The following MFHAS1 variants were observed in gnomAD, a reference collection of about 807,000 sequenced individuals.
MFHAS1 encodes multifunctional ROCO family signaling regulator 1.
Under a neutral mutation model 70.4 loss-of-function variants are expected in MFHAS1, and 50 were observed. The ratio of observed to expected loss-of-function variants is 0.71; its 90% confidence interval spans 0.57 to 0.90. The LOEUF (loss-of-function observed/expected upper bound fraction) is 0.90. Among genes scored for constraint, MFHAS1 ranks in the 40% least tolerant of loss-of-function variants. The pLI, the probability that MFHAS1 is intolerant of heterozygous loss-of-function variation, is 0.00. For synonymous variants in MFHAS1, 952 were observed against 620.0 expected, an observed-to-expected ratio of 1.54 and a Z score of -7.96; for missense variants, 1,795 against 1,347.6, an observed-to-expected ratio of 1.33 and a Z score of -5.20.
intron 2 of MFHAS1, among the ~76,000 whole-genome samples, chr8:8,796,456 G>A (rs1275645401): frequency 1.3e-5 from 2 of 152,130 alleles, no homozygotes; most frequent in Non-Finnish European, 2.9e-5. Context: ...GGCCAAGACG[G>A]GCGGATCCCG....
intron 2 of MFHAS1, chr8:8,790,478 G>A: frequency 6.9e-6 from 4 of 582,452 alleles, no homozygotes; most frequent in Non-Finnish European, 8.7e-6. Context: ...TGGCTGACGG[G>A]AGACTAAATA....
intron 1 of MFHAS1, among the ~76,000 whole-genome samples, chr8:8,844,638 T>A (rs930567402): frequency 2.6e-5 from 4 of 152,326 alleles, no homozygotes; most frequent in African/African-American, 4.8e-5. Context: ...TTCAGATGCC[T>A]CCTTCTCAGA....
At chr8:8,802,766 G>A (rs934791064) in intron 1 of MFHAS1, among the ~76,000 whole-genome samples, 10 of 152,184 alleles carry the variant, frequency 6.6e-5, no homozygotes, top group Non-Finnish European at 1.5e-4. Context: ...AAGCTATCTT[G>A]GGGGGTGAAG....
At chr8:8,791,891 C>T (rs907065682) in intron 2 of MFHAS1, among the ~76,000 whole-genome samples, 1 of 152,150 alleles carries the variant, frequency 6.6e-6, no homozygotes, top group African/African-American at 2.4e-5. Flanking sequence ...GCAAGATAAG[C>T]CACTGCCTTT....
intron 1 of MFHAS1, among the ~76,000 whole-genome samples, chr8:8,857,619 G>A (rs1284753545): frequency 6.6e-6 from 1 of 151,952 alleles, no homozygotes; most frequent in African/African-American, 2.4e-5. Context: ...AATTAGCCAG[G>A]CATGGTGGCG....
chr8:8,892,531 G>C lies in MFHAS1; in HGVS notation c.528C>G (p.Ser176=), dbSNP rs1322796792. ...SFNRLAHLPD[S]LSCLSRLRTL... ...TGCGCAGGCGGGAGAGGCAGGAGAG[G>C]GAGTCAGGCAGGTGCGCCAGCCGGT... Residue 176 remains serine, a synonymous_variant, in exon 1 of 3, where the codon TCC becomes TCG. Transcript: ENST00000276282. The surrounding 1 kb of genome is among the most constrained non-coding windows in gnomAD (Gnocchi z 4.7). The C allele has an allele frequency of 6.3e-7, 1 of 1,596,110 alleles. No homozygotes were observed. Among genetic ancestry groups the C allele is most frequent in the Non-Finnish European group, 8.5e-7 (1 of 1,171,618 alleles).
At chr8:8,832,620 T>C (rs1281642831) in intron 1 of MFHAS1, among the ~76,000 whole-genome samples, 10 of 99,578 alleles carry the variant, frequency 1.0e-4, no homozygotes, top group Non-Finnish European at 2.2e-4. Context: ...GCAACCAGAA[T>C]TTTTTTCTTT....
chr8:8,838,561 C>G (rs1433314787), intron 1 of MFHAS1, among the ~76,000 whole-genome samples: 2 of 152,126 alleles, frequency 1.3e-5, no homozygotes, highest in Admixed American at 6.5e-5. Context: ...GCCTGTAATC[C>G]CAGCACTTTG....
chr8:8,850,158 TTAAAC>T (rs1808188449), intron 1 of MFHAS1, among the ~76,000 whole-genome samples: 1 of 152,234 alleles, frequency 6.6e-6, no homozygotes, highest in South Asian at 2.1e-4. Flanking sequence ...CTAACAGCTA[TTAAAC>T]TAGTTAACAT....
At chr8:8,788,580 G>A (rs1304251120) in intron 2 of MFHAS1, among the ~76,000 whole-genome samples, 3 of 152,202 alleles carry the variant, frequency 2.0e-5, no homozygotes, top group African/African-American at 4.8e-5. Context: ...TCGGGGGGCT[G>A]AGGCAGGATA....
At chr8:8,801,991 G>A (rs1806097688) in intron 1 of MFHAS1, among the ~76,000 whole-genome samples, 1 of 152,212 alleles carries the variant, frequency 6.6e-6, no homozygotes, top group African/African-American at 2.4e-5. Flanking sequence ...GGAGAACGAT[G>A]CGTGCACTTT....
At chr8:8,797,534 A>G in intron 1 of MFHAS1, 43 bp from the exon 2 acceptor site, 1 of 1,587,864 alleles carries the variant, frequency 6.3e-7, no homozygotes, top group South Asian at 1.1e-5. Flanking sequence ...GATGTGCACT[A>G]AAAATGGGCT....
intron 1 of MFHAS1, among the ~76,000 whole-genome samples, chr8:8,834,781 G>A (rs576508368): frequency 6.6e-5 from 10 of 152,290 alleles, no homozygotes; most frequent in African/African-American, 1.9e-4. Context: ...AAAACATTAT[G>A]CTAAGTAGAA....
At chr8:8,889,834 T>C (rs1360367137) in intron 1 of MFHAS1, among the ~76,000 whole-genome samples, 1 of 152,220 alleles carries the variant, frequency 6.6e-6, no homozygotes, top group African/African-American at 2.4e-5. Flanking sequence ...GGAACCCATT[T>C]TGGAAGTCTG....
At chr8:8,852,662 T>C (rs889536532) in intron 1 of MFHAS1, among the ~76,000 whole-genome samples, 2 of 152,120 alleles carry the variant, frequency 1.3e-5, no homozygotes, top group Non-Finnish European at 2.9e-5. Flanking sequence ...CCATGGCCAT[T>C]TGCCATTGAT....
chr8:8,809,541 C>A (rs978140241), intron 1 of MFHAS1, among the ~76,000 whole-genome samples: 1 of 152,216 alleles, frequency 6.6e-6, no homozygotes, highest in Non-Finnish European at 1.5e-5. Context: ...CGTCCCACCA[C>A]GCCTCCCTGC....
intron 1 of MFHAS1, among the ~76,000 whole-genome samples, chr8:8,829,130 C>G (rs2117319171): frequency 6.6e-6 from 1 of 152,296 alleles, no homozygotes; most frequent in South Asian, 2.1e-4. Context: ...GGAAATCAAA[C>G]TTTTCAGGGA....
intron 1 of MFHAS1, among the ~76,000 whole-genome samples, chr8:8,833,988 T>A (rs1362862976): frequency 6.6e-6 from 1 of 152,110 alleles, no homozygotes; most frequent in African/African-American, 2.4e-5. Flanking sequence ...TAGCTGGGCA[T>A]GGTGGTACAT....
intron 1 of MFHAS1, among the ~76,000 whole-genome samples, chr8:8,822,668 G>C (rs1210440038): frequency 7.0e-6 from 1 of 143,810 alleles, no homozygotes; most frequent in Non-Finnish European, 1.5e-5. Context: ...CAGGGGGACT[G>C]AGACGGGGAC....
Sources: allele counts gnomAD v4.1 joint callset (sites outside exome capture counted in the v4.1 genomes callset), GRCh38; gene constraint gnomAD v4.1.1; non-coding constraint Gnocchi (gnomAD v3.1); transcripts MANE v1.5; gene names NCBI Gene and HGNC (gene_info 2026-07-23, HGNC 2026-07-21).